The following EXOC6B variants were observed in gnomAD, a reference collection of about 807,000 sequenced individuals.
EXOC6B encodes exocyst complex component 6B.
EXOC6B carries 54 observed loss-of-function variants against 113.5 expected under a neutral mutation model. The observed-to-expected ratio is 0.48, with a 90% CI of 0.38 to 0.60. The LOEUF (loss-of-function observed/expected upper bound fraction) is 0.60, where lower values mean the gene tolerates loss of function less well. EXOC6B is among the 20% of genes least tolerant of loss of function. The probability of loss-of-function intolerance (pLI) is 0.00; values close to 1 mark genes in which losing one functional copy is unlikely to be tolerated. For missense variants in EXOC6B, 797 were observed against 977.5 expected, an observed-to-expected ratio of 0.82 and a Z score of 2.46; for synonymous variants, 357 against 339.0, an observed-to-expected ratio of 1.05 and a Z score of -0.58.
chr2:72,802,234 A>T (rs1374319368), intron 1 of EXOC6B, among the ~76,000 whole-genome samples: 4 of 151,896 alleles, frequency 2.6e-5, no homozygotes. Context: ...CTGAGGCAGG[A>T]GAATCGCTTG....
chr2:72,413,677 G>A (rs1363681705), intron 18 of EXOC6B, among the ~76,000 whole-genome samples: 1 of 141,718 alleles, frequency 7.1e-6, no homozygotes, highest in African/African-American at 2.9e-5. Context: ...ACAAGACTCC[G>A]CCTCAAAAAA....
chr2:72,792,203 C>G (rs1684712165), intron 1 of EXOC6B, among the ~76,000 whole-genome samples: 1 of 152,122 alleles, frequency 6.6e-6, no homozygotes, highest in African/African-American at 2.4e-5. Flanking sequence ...AATAACAGCA[C>G]AGTGAAAAAA....
chr2:72,189,679 AATCT>A (rs770524461), intron 20 of EXOC6B, among the ~76,000 whole-genome samples: 2 of 151,474 alleles, frequency 1.3e-5, no homozygotes, highest in Non-Finnish European at 2.9e-5. Flanking sequence ...CCCTGCTATT[AATCT>A]ATCTATCCAT....
chr2:72,240,726 A>G (rs981531331), intron 20 of EXOC6B, among the ~76,000 whole-genome samples: 6 of 152,224 alleles, frequency 3.9e-5, no homozygotes, highest in African/African-American at 1.4e-4. Context: ...AGAAAAAAAC[A>G]AAAGAAACAC....
intron 20 of EXOC6B, among the ~76,000 whole-genome samples, chr2:72,274,923 T>G (rs1387045700): frequency 1.3e-5 from 2 of 152,154 alleles, no homozygotes; most frequent in Non-Finnish European, 2.9e-5. Flanking sequence ...GGAATGATAT[T>G]ACATAATTAG....
At chr2:72,794,837 T>G (rs889993802) in intron 1 of EXOC6B, among the ~76,000 whole-genome samples, 4 of 152,030 alleles carry the variant, frequency 2.6e-5, no homozygotes, top group African/African-American at 9.7e-5. Context: ...CAGGAAAACA[T>G]CACAGAAGAG....
At chr2:72,328,844 A>G (rs1558562153) in intron 20 of EXOC6B, among the ~76,000 whole-genome samples, 1 of 152,120 alleles carries the variant, frequency 6.6e-6, no homozygotes, top group Non-Finnish European at 1.5e-5. Context: ...CTCTTCCAAG[A>G]TAATGTACTT....
intron 8 of EXOC6B, among the ~76,000 whole-genome samples, chr2:72,549,018 T>C (rs1400824674): frequency 6.6e-6 from 1 of 150,770 alleles, no homozygotes; most frequent in Non-Finnish European, 1.5e-5. Flanking sequence ...TCTCAAAAAA[T>C]AAAAATAAAA....
intron 6 of EXOC6B, among the ~76,000 whole-genome samples, chr2:72,620,910 C>G (rs1671703287): frequency 2.0e-5 from 3 of 152,064 alleles, no homozygotes; most frequent in South Asian, 4.2e-4. Context: ...AAATGCTCAT[C>G]ATCACTGATC....
At chr2:72,274,334 A>G (rs1380137583) in intron 20 of EXOC6B, among the ~76,000 whole-genome samples, 1 of 152,210 alleles carries the variant, frequency 6.6e-6, no homozygotes, top group Non-Finnish European at 1.5e-5. Flanking sequence ...GATCATGCCT[A>G]TAATTGGTGT....
chr2:72,791,060 T>G (rs981958781), intron 1 of EXOC6B, among the ~76,000 whole-genome samples: 1 of 152,182 alleles, frequency 6.6e-6, no homozygotes, highest in African/African-American at 2.4e-5. Context: ...TAACAGTAAT[T>G]TAGTGTATAT....
At chr2:72,748,629 A>G (rs1681848618) in intron 1 of EXOC6B, among the ~76,000 whole-genome samples, 1 of 152,048 alleles carries the variant, frequency 6.6e-6, no homozygotes, top group South Asian at 2.1e-4. Flanking sequence ...TCCTTTTTCC[A>G]GCTCTGAAGA....
At chr2:72,746,606 C>T (rs1482625139) in intron 1 of EXOC6B, among the ~76,000 whole-genome samples, 5 of 152,042 alleles carry the variant, frequency 3.3e-5, no homozygotes, top group Admixed American at 6.6e-5. Flanking sequence ...TACCAAACCA[C>T]TACAGGATTA....
chr2:72,656,271 G>A (rs1002777958), intron 6 of EXOC6B, among the ~76,000 whole-genome samples: 1 of 152,052 alleles, frequency 6.6e-6, no homozygotes, highest in Non-Finnish European at 1.5e-5. Flanking sequence ...AAATTAGTAG[G>A]AAAAAGTTTA....
At chr2:72,331,052 T>G (rs552660578) in intron 20 of EXOC6B, among the ~76,000 whole-genome samples, 1 of 152,226 alleles carries the variant, frequency 6.6e-6, no homozygotes, top group Admixed American at 6.6e-5. Flanking sequence ...AAATTTGAGC[T>G]TCATAAGTAG....
At chr2:72,716,997 C>G (rs778613614) in intron 6 of EXOC6B, among the ~76,000 whole-genome samples, 1 of 152,106 alleles carries the variant, frequency 6.6e-6, no homozygotes, top group Non-Finnish European at 1.5e-5. Context: ...AATACGTACC[C>G]AGCAATGCTA....
At chr2:72,819,151 T>A (rs957644370) in intron 1 of EXOC6B, among the ~76,000 whole-genome samples, 1 of 152,044 alleles carries the variant, frequency 6.6e-6, no homozygotes. Flanking sequence ...GCCACTAAAG[T>A]GACATCATTA....
intron 18 of EXOC6B, among the ~76,000 whole-genome samples, chr2:72,407,487 T>A (rs1230209156): frequency 6.6e-6 from 1 of 152,126 alleles, no homozygotes; most frequent in Non-Finnish European, 1.5e-5. Flanking sequence ...GCAAACTGAA[T>A]CCAGCAGCAC....
rs1677929779 is a variant in EXOC6B, at chr2:72,179,232, C to T, written c.*103G>A. 1 of 1,311,496 alleles carries T rather than the reference C, an allele frequency of 7.6e-7. No homozygotes were observed. Among genetic ancestry groups the T allele is most frequent in the Non-Finnish European group, 1.0e-6 (1 of 974,510 alleles). The allele number at this position is 1,311,496 out of a possible 1,614,324, so 81.2% of individuals were successfully genotyped here. ...AGGGGTTAATAAAAAAATACATATG[C>T]TCTCTTTGAAGAAGAATGCACAAAT... is the stretch of plus-strand genomic sequence containing the variant. On this transcript the variant is annotated 3_prime_UTR_variant, in exon 22 of 22. Coordinates refer to ENST00000272427, the MANE Select transcript of EXOC6B (RefSeq NM_015189.3).
Sources: allele counts gnomAD v4.1 joint callset (sites outside exome capture counted in the v4.1 genomes callset), GRCh38; gene constraint gnomAD v4.1.1; transcripts MANE v1.5; gene names NCBI Gene and HGNC (gene_info 2026-07-23, HGNC 2026-07-21).